HCN2: variants seen among roughly 807,000 people sequenced by gnomAD.
The protein encoded by HCN2 is potassium/sodium hyperpolarization-activated cyclic nucleotide-gated channel 2.
A neutral mutation model predicts 52.3 loss-of-function variants in HCN2; 20 were observed. The ratio of observed to expected loss-of-function variants is 0.38; its 90% CI spans 0.27 to 0.56. The LOEUF (loss-of-function observed/expected upper bound fraction) is 0.56, where lower values mean the gene tolerates loss of function less well. Ranked by LOEUF, HCN2 falls within the 20% of genes least tolerant of loss-of-function variation. The probability of loss-of-function intolerance (pLI) is 0.71; values close to 1 mark genes in which losing one functional copy is unlikely to be tolerated. For missense variants in HCN2, 981 were observed against 1,207.7 expected (o/e 0.81, Z 2.78); for synonymous variants, 694 against 537.0 (o/e 1.29, Z -4.04).
At chr19:593,866 G>C (rs1199687839) in intron 1 of HCN2, among the ~76,000 whole-genome samples, 2 of 152,212 alleles carry the variant, frequency 1.3e-5, no homozygotes, top group Non-Finnish European at 2.9e-5. Context: ...TGAAAACCAA[G>C]AAGGAAGGGG....
rs1447801103 is a variant in HCN2, at chr19:616,499, CAGGCGGGCCG to C, written c.*26_*35del. On this transcript the variant is annotated 3_prime_UTR_variant, in exon 8 of 8. Coordinates refer to ENST00000251287, the MANE Select transcript of HCN2 (RefSeq NM_001194.4). ...ACCCTCGCCGACCGCCCCGCGGGCC[CAGGCGGGCCG>C]GGGGCGGGGCCGTCATCCAGACCAA... 2 of 1,205,922 alleles carry C rather than the reference CAGGCGGGCCG, an allele frequency of 1.7e-6. No homozygotes were observed. The highest frequency in any genetic ancestry group is 4.8e-5 in the Admixed American group (1 of 20,926). 74.7% of individuals were successfully genotyped at this position (1,205,922 alleles called of 1,614,324 possible). A position where few individuals can be genotyped will look rare whatever the true frequency, so the allele number is the denominator to read the frequency against.
intron 7 of HCN2, among the ~76,000 whole-genome samples, chr19:614,404 C>G (rs1041572480): frequency 2.0e-5 from 3 of 152,138 alleles, no homozygotes; most frequent in Non-Finnish European, 2.9e-5. Context: ...ACTCAGACTC[C>G]CAGGGAGGCT....
Position 617,097 on chromosome 19 carries a change from C to A in HCN2, c.*623C>A, listed in dbSNP as rs548288460. On this transcript the variant is annotated 3_prime_UTR_variant, in exon 8 of 8. Coordinates refer to ENST00000251287, the MANE Select transcript of HCN2 (RefSeq NM_001194.4). ...GAGGCAGCAGTGCCCCCACCGTGGC[C>A]CCCCACGCCCCATTAACCCCCACAC... The A allele has an allele frequency of 2.7e-4, 137 of 503,322 alleles. 2 individuals carry two copies. Among genetic ancestry groups the A allele is most frequent in the African/African-American group, 2.7e-3 (129 of 48,144 alleles). 31.2% of individuals were successfully genotyped at this position (503,322 alleles called of 1,614,324 possible).
chr19:611,119 G>A (rs1983617855), intron 5 of HCN2, among the ~76,000 whole-genome samples: 1 of 152,198 alleles, frequency 6.6e-6, no homozygotes, highest in African/African-American at 2.4e-5. Flanking sequence ...CCTTAACTGG[G>A]CCATGTCTGC....
chr19:603,655 C>T lies in HCN2; in HGVS notation c.744C>T (p.Asn248=), dbSNP rs1439049023. 3.1e-6 allele frequency: 5 copies of T among 1,612,510 alleles called. No individual in the cohort carries two copies. Among genetic ancestry groups the T allele is most frequent in the African/African-American group, 2.7e-5 (2 of 74,852 alleles). The stretch of plus-strand genomic sequence containing the variant: ...CCACTGCCCCGTGGATCGTGTTCAA[C>T]GTGGTCTCGGACACCTTCTTCCTCA... ...DETTAPWIVF[N]VVSDTFFLMD... The change falls in exon 2 of 8, where the codon AAC becomes AAT. Residue 248 remains asparagine, a synonymous_variant. Coordinates refer to ENST00000251287, the MANE Select transcript of HCN2 (RefSeq NM_001194.4).
rs150049629 is a variant in HCN2 at position 602,609 on chromosome 19, G to A, written c.633-935G>A. Among the ~76,000 whole-genome samples the A allele has an allele frequency of 3.2e-3, 489 of 152,268 alleles. 4 individuals are homozygous for A. Among genetic ancestry groups the A allele is most frequent in the African/African-American group, 0.011 (451 of 41,560 alleles). On this transcript the variant is annotated intron_variant, in intron 1 of 7. Transcript: ENST00000251287. ...TCCCGCCTTCGCTCTCCCTGTGCGC[G>A]CCGCCCTGCCTCGCCCTGCTGCTTC...
In HCN2 at chr19:616,233, C is replaced by G. The variant is rs917949180; in HGVS notation, c.2429C>G (p.Ala810Gly). ...AAPLAGPALP[A>G]RRLSRASRPL... ...CCCCTTGCTGGGCCCGCCCTGCCCGCGCGCCGCCTGAGCCGCGCGTCGCGC... is the reference window on the plus strand; with the variant it reads ...CCCCTTGCTGGGCCCGCCCTGCCCGGGCGCCGCCTGAGCCGCGCGTCGCGC... Residue 810 changes from alanine to glycine, a missense_variant, in exon 8 of 8, where the codon GCG becomes GGG. Around this residue, in one of 6 missense-constraint regions of HCN2, gnomAD observed 368 missense variants for 314.8 expected, o/e 1.17. Coordinates refer to ENST00000251287, the MANE Select transcript of HCN2 (RefSeq NM_001194.4). 3.0e-5 allele frequency: 30 copies of G among 995,358 alleles called. No homozygotes were observed. The highest frequency in any genetic ancestry group is 3.6e-5 in the Non-Finnish European group (30 of 838,986). The allele number at this position is 995,358 out of a possible 1,614,324, so 61.7% of individuals were successfully genotyped here.
intron 1 of HCN2, among the ~76,000 whole-genome samples, chr19:599,243 C>A (rs1481670105): frequency 6.6e-6 from 1 of 152,260 alleles, no homozygotes; most frequent in Non-Finnish European, 1.5e-5. Flanking sequence ...AGTGGAGCGT[C>A]TGGGTCACCC....
At position 617,107 on chromosome 19, in the gene HCN2, CCATTAA is replaced by C; in HGVS notation, c.*635_*640del. 5 of 545,170 alleles carry C rather than the reference CCATTAA, an allele frequency of 9.2e-6. No homozygotes were observed. The highest frequency in any genetic ancestry group is 3.6e-5 in the East Asian group (1 of 27,442). 33.8% of individuals were successfully genotyped at this position (545,170 alleles called of 1,614,324 possible). The stretch of plus-strand genomic sequence containing the variant: ...TGCCCCCACCGTGGCCCCCCACGCC[CCATTAA>C]CCCCCACACCCCCATTCCGCGCAAT... On this transcript the variant is annotated 3_prime_UTR_variant, in exon 8 of 8. Transcript: ENST00000251287.
chr19:613,136 GTC>G (rs2144531815), intron 5 of HCN2, 110 bp from the exon 6 acceptor site: 2 of 1,386,232 alleles, frequency 1.4e-6, no homozygotes, highest in South Asian at 2.8e-5. Flanking sequence ...GGCTGAGCCC[GTC>G]TCTCAGACGA....
rs184307898 is a variant in HCN2, at chr19:605,251, G to A, written c.1218+29G>A. On this transcript the variant is annotated intron_variant, in intron 3 of 7. Transcript: ENST00000251287. ...AGCGCCGCGGGCCCTGACGGAGGGG[G>A]AGACGCAGGCTCCCATACAGAGGGG... 13 of 1,606,432 alleles carry A rather than the reference G, an allele frequency of 8.1e-6. 1 individual carries two copies. The East Asian group carries it at 2.5e-4, about 30-fold the overall frequency.
intron 5 of HCN2, among the ~76,000 whole-genome samples, chr19:611,953 C>G (rs886295432): frequency 6.6e-6 from 1 of 152,142 alleles, no homozygotes; most frequent in South Asian, 2.1e-4. Flanking sequence ...CGAGACCAGC[C>G]TGGCCAACAT....
intron 1 of HCN2, among the ~76,000 whole-genome samples, chr19:595,313 C>T (rs1011030725): frequency 1.5e-4 from 23 of 151,548 alleles, no homozygotes; most frequent in African/African-American, 5.6e-4. Context: ...AGCCTCGCAC[C>T]CTGTGCGCTG....
intron 3 of HCN2, among the ~76,000 whole-genome samples, chr19:606,898 G>T (rs1190775034): frequency 6.8e-6 from 1 of 146,154 alleles, no homozygotes; most frequent in Non-Finnish European, 1.5e-5. Flanking sequence ...GAGGCCGGGC[G>T]CGGTGGCTCA....
rs114340240 is a variant in HCN2, at chr19:607,972, G to A, written c.1227G>A (p.Ser409=). The A allele has an allele frequency of 4.3e-5, 69 of 1,610,948 alleles. No homozygotes were observed. The highest frequency in any genetic ancestry group is 1.9e-4 in the Middle Eastern group (1 of 5,352). ...TCCTGCTGGCCTTGCAGAACCACTCGTGGAGTGAACTGTACTCCTTCGCAC... is the reference window on the plus strand; with the variant it reads ...TCCTGCTGGCCTTGCAGAACCACTCATGGAGTGAACTGTACTCCTTCGCAC... ...WVSINGMVNH[S]WSELYSFALF... Residue 409 remains serine (S), a synonymous_variant, in exon 4 of 8, where the codon TCG becomes TCA. Transcript: ENST00000251287.
At chr19:600,628 A>C (rs78084963) in intron 1 of HCN2, among the ~76,000 whole-genome samples, 2,540 of 151,280 alleles carry the variant, frequency 0.017, 59 homozygotes, top group African/African-American at 0.054. Flanking sequence ...TACAGACGTG[A>C]GCCACCACAC....
Position 590,631 on chromosome 19 carries a change from G to C in HCN2, c.632+54G>C. 4.8e-6 allele frequency: 6 copies of C among 1,253,152 alleles called. No individual in the cohort carries two copies. Among genetic ancestry groups the C allele is most frequent in the Non-Finnish European group, 6.1e-6 (6 of 984,088 alleles). The allele number at this position is 1,253,152 out of a possible 1,614,324, so 77.6% of individuals were successfully genotyped here. On this transcript the variant is annotated intron_variant, in intron 1 of 7. Coordinates refer to ENST00000251287, the MANE Select transcript of HCN2 (RefSeq NM_001194.4). This position sits in a 1 kb window ranked among gnomAD's most constrained non-coding sequence, Gnocchi z 7.2. ...CGAGGGGGCCCGGGGAGCCGGGCGC[G>C]CGGGGAGCCGTCCTTGGAGCGCCTG...
intron 7 of HCN2, 41 bp downstream of exon 7, chr19:614,057 G>T (rs762555161): frequency 2.0e-6 from 3 of 1,476,366 alleles, no homozygotes; most frequent in East Asian, 2.4e-5. Flanking sequence ...GTGCCCTGGC[G>T]GGGGAGGGGC....
chr19:595,217 A>C lies in HCN2; in HGVS notation c.632+4640A>C, dbSNP rs567629611. 5.3e-4 allele frequency among the ~76,000 whole-genome samples: 81 copies of C among 151,944 alleles called. 1 individual carries two copies. The highest frequency in any genetic ancestry group is 2.1e-3 in the South Asian group (10 of 4,812). ...ACCCTGTCTCAAAAAAATAAAAAAA[A>C]CCTAAAAACCCACATATTCAAGTCA... On this transcript the variant is annotated intron_variant, in intron 1 of 7. Transcript: ENST00000251287.
Sources: allele counts gnomAD v4.1 joint callset (sites outside exome capture counted in the v4.1 genomes callset), GRCh38; gene constraint gnomAD v4.1.1; regional missense constraint gnomAD v4.1.1; non-coding constraint Gnocchi (gnomAD v3.1); transcripts MANE v1.5; gene names NCBI Gene and HGNC (gene_info 2026-07-23, HGNC 2026-07-21).